GPC3: variants seen among roughly 807,000 people sequenced by gnomAD.
GPC3 encodes the protein glypican-3.
In GPC3, 3 loss-of-function variants were observed where a neutral mutation model predicts 34.4. The observed-to-expected ratio is 0.09, with a 90% CI of 0.04 to 0.23. The LOEUF is 0.23. Ranked by LOEUF, GPC3 falls within the 10% of genes least tolerant of loss-of-function variation. The probability of loss-of-function intolerance (pLI) is 1.00; values close to 1 mark genes in which losing one functional copy is unlikely to be tolerated. For missense variants in GPC3, 351 were observed against 445.6 expected, an observed-to-expected ratio of 0.79 and a Z score of 1.91; for synonymous variants, 177 against 174.0, an observed-to-expected ratio of 1.02 and a Z score of -0.13.
At chrX:133,929,590 T>C (rs999916502) in intron 2 of GPC3, among the ~76,000 whole-genome samples, 5 of 111,375 alleles carry the variant, frequency 4.5e-5, no homozygotes, top group African/African-American at 1.6e-4. Flanking sequence ...AGGAGACTAG[T>C]TCTTAGGGTA....
intron 2 of GPC3, among the ~76,000 whole-genome samples, chrX:133,819,079 G>C (rs1437828630): frequency 9.6e-6 from 1 of 104,577 alleles, no homozygotes; most frequent in Admixed American, 1.0e-4. Context: ...TGCCATGCTG[G>C]TGTGCTGCAC....
intron 5 of GPC3, among the ~76,000 whole-genome samples, chrX:133,680,353 G>A (rs751035762): frequency 3.6e-5 from 4 of 111,596 alleles, no homozygotes; most frequent in Non-Finnish European, 7.5e-5. Context: ...CTCTAGGCCC[G>A]AAGCTGTGAT....
chrX:133,985,177 G>C, intron 1 of GPC3, 98 bp downstream of exon 1: 1 of 963,210 alleles, frequency 1.0e-6, no homozygotes, highest in Non-Finnish European at 1.5e-6. Context: ...CAGGGCGCAC[G>C]ACTACAGCCC....
chrX:133,751,351 T>C (rs2071666774), intron 3 of GPC3, among the ~76,000 whole-genome samples: 2 of 111,940 alleles, frequency 1.8e-5, no homozygotes, highest in Non-Finnish European at 3.8e-5. Context: ...ATTTACTTTT[T>C]CTAGTTTTGT....
chrX:133,935,973 C>T (rs1381949958), intron 2 of GPC3, among the ~76,000 whole-genome samples: 1 of 109,957 alleles, frequency 9.1e-6, no homozygotes, highest in Non-Finnish European at 1.9e-5. Flanking sequence ...AGTGCAGGGG[C>T]GTGATCTCGA....
intron 2 of GPC3, among the ~76,000 whole-genome samples, chrX:133,814,625 T>C (rs766698856): frequency 9.0e-6 from 1 of 111,031 alleles, no homozygotes; most frequent in East Asian, 2.8e-4. Flanking sequence ...TGGAGTGCAA[T>C]GGCGTGATCT....
intron 2 of GPC3, among the ~76,000 whole-genome samples, chrX:133,831,942 C>G (rs1333546855): frequency 9.0e-6 from 1 of 111,571 alleles, no homozygotes. Flanking sequence ...CATTTCCCCC[C>G]CTTTTACACA....
intron 3 of GPC3, among the ~76,000 whole-genome samples, chrX:133,706,545 C>T (rs1603229746): frequency 8.9e-6 from 1 of 112,052 alleles, no homozygotes. Flanking sequence ...GGGCAAAGGA[C>T]ATGAACAGAC....
intron 1 of GPC3, 46 bp from the exon 2 acceptor site, chrX:133,953,257 C>CTG: frequency 1.8e-6 from 2 of 1,099,883 alleles, no homozygotes; most frequent in Non-Finnish European, 1.3e-6. Context: ...GGATCTCTCT[C>CTG]TCACACACCC....
At chrX:133,641,012 T>C (rs773695313) in intron 6 of GPC3, among the ~76,000 whole-genome samples, 1 of 110,002 alleles carries the variant, frequency 9.1e-6, no homozygotes, top group South Asian at 3.8e-4. Context: ...TGATTTAGTT[T>C]AGCTTTTTTT....
intron 2 of GPC3, among the ~76,000 whole-genome samples, chrX:133,877,573 A>T (rs2076022137): frequency 8.9e-6 from 1 of 112,132 alleles, no homozygotes; most frequent in East Asian, 2.8e-4. Context: ...TAGTGCTGAA[A>T]TTCTAAGAAT....
In GPC3 at chrX:133,848,245, G is replaced by C. The variant is rs775668475; in HGVS notation, c.338-94069C>G. Among the ~76,000 whole-genome samples the C allele has an allele frequency of 4.5e-5, 5 of 111,913 alleles. No individual in the cohort carries two copies. The East Asian group carries it at 8.4e-4, about 19-fold the overall frequency. ...GGTTACTGACTCTATGCTTGTTTTG[G>C]GGGGTAAAGAAATATAGAGTGAGAC... On this transcript the variant is annotated intron_variant, in intron 2 of 7. Transcript: ENST00000370818.
intron 3 of GPC3, among the ~76,000 whole-genome samples, chrX:133,730,158 G>T (rs2071448651): frequency 9.0e-6 from 1 of 111,145 alleles, no homozygotes; most frequent in South Asian, 3.9e-4. Flanking sequence ...AATAAAACAG[G>T]CTGAGAGACC....
chrX:133,863,068 A>C (rs2075945777), intron 2 of GPC3, among the ~76,000 whole-genome samples: 1 of 112,897 alleles, frequency 8.9e-6, no homozygotes, highest in Non-Finnish European at 1.9e-5. Context: ...AACATTCAAC[A>C]ACATTTTCAT....
chrX:133,673,446 C>T (rs376382087), intron 5 of GPC3, among the ~76,000 whole-genome samples: 11 of 112,292 alleles, frequency 9.8e-5, no homozygotes, highest in African/African-American at 3.6e-4. Context: ...TAGCAAAGAA[C>T]AAGGGGGCAA....
At chrX:133,828,955 T>C (rs1406379479) in intron 2 of GPC3, among the ~76,000 whole-genome samples, 2 of 111,837 alleles carry the variant, frequency 1.8e-5, no homozygotes, top group African/African-American at 3.2e-5. Flanking sequence ...ATTCCATAAA[T>C]ATATACAACA....
rs199740116 is a variant in GPC3 at position 133,715,653 on chromosome X, A to AT, written c.1033-15626dup. On this transcript the variant is annotated intron_variant, in intron 3 of 7. Coordinates refer to ENST00000370818, the MANE Select transcript of GPC3 (RefSeq NM_004484.4). The stretch of plus-strand genomic sequence containing the variant: ...TCCCTGGAGACATCTGCTGAACTCA[A>AT]TTAGAGGTAATTATTTTACTTTGTA... Among the ~76,000 whole-genome samples, 569 of 111,379 alleles carry AT rather than the reference A, an allele frequency of 5.1e-3. 3 individuals carry two copies. The highest frequency in any genetic ancestry group is 0.017 in the African/African-American group (531 of 30,691).
intron 2 of GPC3, among the ~76,000 whole-genome samples, chrX:133,757,459 C>T (rs1020424145): frequency 1.8e-5 from 2 of 111,700 alleles, no homozygotes; most frequent in Non-Finnish European, 3.8e-5. Context: ...GACATATAAC[C>T]TATCACTGTA....
intron 2 of GPC3, among the ~76,000 whole-genome samples, chrX:133,871,675 G>A (rs2075994551): frequency 8.9e-6 from 1 of 111,927 alleles, no homozygotes; most frequent in African/African-American, 3.2e-5. Flanking sequence ...TACAAAGTAG[G>A]ATGGAAGAAG....
Sources: gnomAD v4.1 joint callset for allele counts (sites outside exome capture counted in the v4.1 genomes callset) on GRCh38, gnomAD v4.1.1 for gene constraint, MANE v1.5 for transcripts, NCBI Gene and HGNC (gene_info 2026-07-23, HGNC 2026-07-21) for gene names.